Variants in SCARA5 observed in about 807,000 individuals in gnomAD.
SCARA5 encodes the protein scavenger receptor class A member 5.
A neutral mutation model predicts 46.3 loss-of-function variants in SCARA5; 45 were observed. The observed-to-expected ratio is 0.97, with a 90% CI of 0.76 to 1.24. The LOEUF (loss-of-function observed/expected upper bound fraction) is 1.24. Among genes scored for constraint, SCARA5 ranks in the 50% most tolerant of loss-of-function variants. SCARA5 has a pLI of 0.00. For synonymous variants in SCARA5, 333 were observed against 306.5 expected (o/e 1.09, Z -0.90); for missense variants, 680 against 689.0 (o/e 0.99, Z 0.15).
intron 2 of SCARA5, among the ~76,000 whole-genome samples, chr8:27,984,036 G>A (rs757140172): frequency 6.6e-6 from 1 of 152,038 alleles, no homozygotes; most frequent in Non-Finnish European, 1.5e-5. Context: ...GCTCAAGGGC[G>A]GCCCTGACCG....
At chr8:27,915,288 G>C (rs142779985) in intron 4 of SCARA5, among the ~76,000 whole-genome samples, 4 of 152,194 alleles carry the variant, frequency 2.6e-5, no homozygotes, top group African/African-American at 7.2e-5. Context: ...GGCCCAGAAA[G>C]GTGCTGGGAC....
In SCARA5 at chr8:27,921,578, G is replaced by A. The variant is rs367921684; in HGVS notation, c.909C>T (p.Leu303=). ...GCAAGGGCCTGGCGGTACCTTTCGC[G>A]AGGGAGATGTTCCGCAGTGCGATGG... The part of the protein sequence containing the change: ...EHSIALRNIS[L]AKGPPGPKGD... The change falls in exon 4 of 9, where the codon CTC becomes CTT. Residue 303 remains leucine, a synonymous_variant. Coordinates refer to ENST00000354914, the MANE Select transcript of SCARA5 (RefSeq NM_173833.6). 2.5e-5 allele frequency: 39 copies of A among 1,551,030 alleles called. No individual in the cohort carries two copies. Among genetic ancestry groups the A allele is most frequent in the East Asian group, 7.1e-5 (3 of 42,160 alleles).
chr8:27,937,921 A>G (rs1365327925), intron 3 of SCARA5, among the ~76,000 whole-genome samples: 2 of 152,112 alleles, frequency 1.3e-5, no homozygotes, highest in African/African-American at 4.8e-5. Flanking sequence ...TAAAGTTCCT[A>G]TCTCCAAATA....
chr8:27,971,532 A>AGAGCGCTGG (rs1808447912), intron 2 of SCARA5, among the ~76,000 whole-genome samples: 1 of 152,234 alleles, frequency 6.6e-6, no homozygotes, highest in African/African-American at 2.4e-5. Flanking sequence ...AAGCACACAC[A>AGAGCGCTGG]AGACCAGAGC....
At chr8:27,904,678 A>T in intron 7 of SCARA5, 100 bp downstream of exon 7, 4 of 1,081,126 alleles carry the variant, frequency 3.7e-6, no homozygotes, top group Non-Finnish European at 5.8e-6. Context: ...AGCCCCAGCC[A>T]TGGCTCCAGC....
chr8:27,937,166 G>A (rs1807870009), intron 3 of SCARA5, among the ~76,000 whole-genome samples: 1 of 152,208 alleles, frequency 6.6e-6, no homozygotes. Flanking sequence ...AGATAGTAGT[G>A]AAATACTGTA....
At chr8:27,879,812 G>T in intron 7 of SCARA5, 46 bp from the exon 8 acceptor site, 1 of 1,590,038 alleles carries the variant, frequency 6.3e-7, no homozygotes. Context: ...GATACACCAG[G>T]ACCCGCCCCC....
chr8:27,966,365 T>A (rs1585517903), intron 3 of SCARA5, 49 bp downstream of exon 3: 9 of 1,541,534 alleles, frequency 5.8e-6, no homozygotes, highest in Non-Finnish European at 7.9e-6. Flanking sequence ...AAGCTCCAGG[T>A]CTTCCTTCCT....
At chr8:27,939,800 C>T (rs1355870694) in intron 3 of SCARA5, among the ~76,000 whole-genome samples, 1 of 152,178 alleles carries the variant, frequency 6.6e-6, no homozygotes, top group Non-Finnish European at 1.5e-5. Flanking sequence ...TCCAGTTTTA[C>T]AGATGAAGCT....
intron 3 of SCARA5, among the ~76,000 whole-genome samples, chr8:27,928,129 C>T (rs185602291): frequency 3.9e-5 from 6 of 152,300 alleles, no homozygotes; most frequent in Non-Finnish European, 5.9e-5. Context: ...ACAGTCAGAG[C>T]GTGTTCTCTG....
At chr8:27,956,529 A>G (rs1448076670) in intron 3 of SCARA5, among the ~76,000 whole-genome samples, 1 of 152,212 alleles carries the variant, frequency 6.6e-6, no homozygotes, top group Non-Finnish European at 1.5e-5. Flanking sequence ...TTTTCATCAT[A>G]CTGATGATTA....
chr8:27,918,450 G>A (rs1380188159), intron 4 of SCARA5, among the ~76,000 whole-genome samples: 2 of 72,340 alleles, frequency 2.8e-5, no homozygotes, highest in African/African-American at 1.6e-4. Flanking sequence ...ACTTCAGGGA[G>A]CTAGAAAGGT....
chr8:27,917,172 A>G (rs574652764), intron 4 of SCARA5, among the ~76,000 whole-genome samples: 2 of 152,326 alleles, frequency 1.3e-5, no homozygotes, highest in East Asian at 3.9e-4. Context: ...TGGCAGCCTG[A>G]ACAGATGGAT....
intron 1 of SCARA5, 65 bp from the exon 2 acceptor site, chr8:27,987,695 T>C (rs999293980): frequency 1.0e-6 from 1 of 963,694 alleles, no homozygotes; most frequent in Non-Finnish European, 1.7e-6. Flanking sequence ...GAGAATCAAC[T>C]GTAGGTGGAA....
At chr8:27,988,829 G>A (rs1426096020) in intron 1 of SCARA5, among the ~76,000 whole-genome samples, 1 of 152,134 alleles carries the variant, frequency 6.6e-6, no homozygotes, top group African/African-American at 2.4e-5. Flanking sequence ...GCATCCTTTA[G>A]AAGATAAAAG....
In SCARA5 at chr8:27,934,749, C is replaced by T. The variant is rs538341821; in HGVS notation, c.242-12504G>A. Among the ~76,000 whole-genome samples, 3 of 152,308 alleles carry T rather than the reference C, an allele frequency of 2.0e-5. No individual in the cohort carries two copies. In the East Asian group the frequency reaches 5.8e-4, roughly 29 times the overall value. ...TGGCATGAACCCCTGGAGCAGGGGGCAGGAGGCATGGCATTAGGAAGGTCA... is the reference window on the plus strand; with the variant it reads ...TGGCATGAACCCCTGGAGCAGGGGGTAGGAGGCATGGCATTAGGAAGGTCA... On this transcript the variant is annotated intron_variant, in intron 3 of 8. Coordinates refer to ENST00000354914, the MANE Select transcript of SCARA5 (RefSeq NM_173833.6).
intron 1 of SCARA5, among the ~76,000 whole-genome samples, 190 bp from the exon 2 acceptor site, chr8:27,987,820 T>C (rs4732796): frequency 0.31 from 47,765 of 152,070 alleles, 8,185 homozygotes; most frequent in Middle Eastern, 0.4. Context: ...GGGGCCGTGA[T>C]GCCCCCACTC....
Position 27,921,842 on chromosome 8 carries a change from G to C in SCARA5, c.645C>G (p.Ile215Met), listed in dbSNP as rs371201593. 1 of 1,541,070 alleles carries C rather than the reference G, an allele frequency of 6.5e-7. No individual in the cohort carries two copies. The highest frequency in any genetic ancestry group is 8.7e-7 in the Non-Finnish European group (1 of 1,149,872). The change falls in exon 4 of 9, where the codon ATC becomes ATG. Residue 215 changes from isoleucine (I) to methionine (M), a missense_variant. This residue lies in a region of SCARA5 where 438 missense variants were observed against 384.5 expected (regional missense o/e 1.14). Transcript: ENST00000354914. ...CCACGTCGGCCAGCTCCTCGCCCAG[G>C]ATGCCCACCCTGCGCGCCAGCCCGT... is the stretch of plus-strand genomic sequence containing the variant. ...LLDGLARRVG[I>M]LGEELADVGG... is the part of the protein sequence containing the mutation.
intron 2 of SCARA5, among the ~76,000 whole-genome samples, chr8:27,984,634 A>G (rs1808675235): frequency 6.6e-6 from 1 of 152,062 alleles, no homozygotes; most frequent in South Asian, 2.1e-4. Flanking sequence ...CCATCCATCC[A>G]TTCATTCACC....
Sources: allele counts gnomAD v4.1 joint callset (sites outside exome capture counted in the v4.1 genomes callset), GRCh38; gene constraint gnomAD v4.1.1; regional missense constraint gnomAD v4.1.1; transcripts MANE v1.5; gene names NCBI Gene and HGNC (gene_info 2026-07-23, HGNC 2026-07-21).